Variants in SPRY3 observed in about 807,000 individuals in gnomAD.
SPRY3 encodes sprouty RTK signaling antagonist 3.
Under a neutral mutation model 20.2 loss-of-function variants are expected in SPRY3, and 15 were observed. That is an observed-to-expected ratio of 0.74 (90% confidence interval 0.50 to 1.14). The LOEUF (loss-of-function observed/expected upper bound fraction) is 1.14. SPRY3 is among the 50% of genes most tolerant of loss of function. The pLI is 0.00. For missense variants in SPRY3, 364 were observed against 363.9 expected (o/e 1.00, Z 0.00); for synonymous variants, 143 against 136.5 (o/e 1.05, Z -0.33).
chrX:155,724,192 GCAGTA>G (rs2091082322), intron 2 of SPRY3, among the ~76,000 whole-genome samples: 1 of 152,132 alleles, frequency 6.6e-6, no homozygotes, highest in Non-Finnish European at 1.5e-5. Context: ...CTGCAGTCTT[GCAGTA>G]CAGTTTGAAA....
At chrX:155,741,140 G>C (rs1177054247) in intron 2 of SPRY3, among the ~76,000 whole-genome samples, 2 of 152,134 alleles carry the variant, frequency 1.3e-5, no homozygotes, top group East Asian at 1.9e-4. Flanking sequence ...AGGATAGCCA[G>C]TTAAGAGAGG....
chrX:155,685,493 A>G (rs2068084867), intron 2 of SPRY3, among the ~76,000 whole-genome samples: 1 of 108,212 alleles, frequency 9.2e-6, no homozygotes, highest in African/African-American at 3.4e-5. Flanking sequence ...GGTTTGTTGT[A>G]CATATTATTT....
chrX:155,652,011 C>T (rs1353726160), intron 1 of SPRY3, among the ~76,000 whole-genome samples: 2 of 111,387 alleles, frequency 1.8e-5, no homozygotes, highest in South Asian at 3.8e-4. Context: ...GAAGCAGGAA[C>T]GTCCTACATG....
intron 2 of SPRY3, among the ~76,000 whole-genome samples, chrX:155,753,694 G>C (rs2091272906): frequency 6.6e-6 from 1 of 151,908 alleles, no homozygotes; most frequent in Non-Finnish European, 1.5e-5. Flanking sequence ...AGTGCTGTGA[G>C]ATTTACAATC....
intron 2 of SPRY3, among the ~76,000 whole-genome samples, chrX:155,747,427 T>A (rs1475903510): frequency 6.6e-6 from 1 of 151,996 alleles, no homozygotes; most frequent in Admixed American, 6.6e-5. Flanking sequence ...TATTTTCATT[T>A]AAAATATCAT....
At chrX:155,742,883 A>G (rs1054002771) in intron 2 of SPRY3, among the ~76,000 whole-genome samples, 1 of 152,124 alleles carries the variant, frequency 6.6e-6, no homozygotes, top group African/African-American at 2.4e-5. Flanking sequence ...TCAAAAAGCT[A>G]GAAAGATCTC....
At chrX:155,735,927 A>G (rs2124568050) in intron 2 of SPRY3, among the ~76,000 whole-genome samples, 1 of 151,766 alleles carries the variant, frequency 6.6e-6, no homozygotes, top group South Asian at 2.1e-4. Flanking sequence ...TTTAAGTTGA[A>G]CATATTATAT....
At chrX:155,671,405 T>C (rs377368777) in intron 2 of SPRY3, among the ~76,000 whole-genome samples, 8 of 109,743 alleles carry the variant, frequency 7.3e-5, no homozygotes, top group African/African-American at 2.7e-4. Context: ...ATCTTGAGAG[T>C]TGGTATTTGG....
intron 1 of SPRY3, among the ~76,000 whole-genome samples, chrX:155,622,387 T>C (rs1371635739): frequency 8.9e-6 from 1 of 111,870 alleles, no homozygotes; most frequent in Admixed American, 9.5e-5. Context: ...TGATTTGTCT[T>C]AATTAGAGTT....
intron 2 of SPRY3, among the ~76,000 whole-genome samples, chrX:155,703,698 T>C (rs1258042885): frequency 6.7e-6 from 1 of 149,164 alleles, no homozygotes; most frequent in Non-Finnish European, 1.5e-5. Context: ...GTTCTTTTAA[T>C]TGTGATGTTA....
intron 1 of SPRY3, among the ~76,000 whole-genome samples, chrX:155,639,449 T>C (rs782491841): frequency 2.7e-5 from 3 of 112,392 alleles, no homozygotes; most frequent in Non-Finnish European, 5.6e-5. Flanking sequence ...TTGATTATTA[T>C]AGATTTCTCA....
chrX:155,754,395 G>A (rs1248167798), intron 2 of SPRY3, among the ~76,000 whole-genome samples: 1 of 151,914 alleles, frequency 6.6e-6, no homozygotes, highest in East Asian at 1.9e-4. Flanking sequence ...AAAATCAATG[G>A]ATCATAAACG....
intron 2 of SPRY3, among the ~76,000 whole-genome samples, chrX:155,723,534 T>A (rs888868199): frequency 6.6e-6 from 1 of 152,206 alleles, no homozygotes; most frequent in Non-Finnish European, 1.5e-5. Flanking sequence ...TGATGACCAG[T>A]GATGATGAGC....
In SPRY3 at chrX:155,648,363, A is replaced by G. The variant is rs185026998; in HGVS notation, c.-440-8504A>G. 4.5e-3 allele frequency among the ~76,000 whole-genome samples: 503 copies of G among 112,888 alleles called. 2 individuals are homozygous for G. The highest frequency in any genetic ancestry group is 0.015 in the African/African-American group (479 of 31,158). On this transcript the variant is annotated intron_variant, in intron 1 of 3. Coordinates refer to ENST00000675360, the Ensembl canonical transcript of SPRY3. ...CGTTGCTTTTGGTGTTTTAGTCATG[A>G]AGTCTTGGCCCATGCCTATGTCCTG...
At chrX:155,685,347 A>G (rs1348257694) in intron 2 of SPRY3, among the ~76,000 whole-genome samples, 2 of 107,821 alleles carry the variant, frequency 1.9e-5, no homozygotes, top group African/African-American at 6.7e-5. Flanking sequence ...TTTTCTCTAT[A>G]ATCTCTATTT....
At chrX:155,674,402 A>C (rs1413659306) in intron 2 of SPRY3, among the ~76,000 whole-genome samples, 1 of 110,448 alleles carries the variant, frequency 9.1e-6, no homozygotes, top group Non-Finnish European at 1.9e-5. Flanking sequence ...TTCCAAGTAG[A>C]TTTCCATTCT....
intron 2 of SPRY3, among the ~76,000 whole-genome samples, chrX:155,712,930 C>T (rs1403948439): frequency 6.6e-6 from 1 of 151,884 alleles, no homozygotes; most frequent in African/African-American, 2.4e-5. Context: ...ACTCTGATTG[C>T]ATAAACAAAC....
intron 2 of SPRY3, among the ~76,000 whole-genome samples, chrX:155,724,169 G>C (rs2091082138): frequency 6.6e-6 from 1 of 152,146 alleles, no homozygotes; most frequent in African/African-American, 2.4e-5. Context: ...CCAGTACCAT[G>C]CTGTTTTGGT....
At chrX:155,771,229 T>C (rs1203129859) in intron 3 of SPRY3, among the ~76,000 whole-genome samples, 1 of 152,180 alleles carries the variant, frequency 6.6e-6, no homozygotes, top group Non-Finnish European at 1.5e-5. Context: ...TGTACCCTTC[T>C]GCTCCCCAGA....
Sources: gnomAD v4.1 joint callset for allele counts (sites outside exome capture counted in the v4.1 genomes callset) on GRCh38, gnomAD v4.1.1 for gene constraint, MANE v1.5 for transcripts, NCBI Gene and HGNC (gene_info 2026-07-23, HGNC 2026-07-21) for gene names.